Variants in INO80E observed in about 807,000 individuals in gnomAD.
The protein encoded by INO80E is INO80 complex subunit E.
INO80E carries 20 observed loss-of-function variants against 27.3 expected under a neutral mutation model. That is an observed-to-expected ratio of 0.73 (90% CI 0.51 to 1.06). The LOEUF (loss-of-function observed/expected upper bound fraction) is 1.06. Among genes scored for constraint, INO80E ranks in the 50% least tolerant of loss-of-function variants. The probability of loss-of-function intolerance (pLI) is 0.00; values close to 1 mark genes in which losing one functional copy is unlikely to be tolerated. For synonymous variants in INO80E, 167 were observed against 145.9 expected, an observed-to-expected ratio of 1.14 and a Z score of -1.04; for missense variants, 357 against 322.8, an observed-to-expected ratio of 1.11 and a Z score of -0.81.
rs776037527 is a variant in INO80E, at chr16:30,005,454, C to T, written c.*12C>T. 17 of 1,587,894 alleles carry T rather than the reference C, an allele frequency of 1.1e-5. No homozygotes were observed. Among genetic ancestry groups the T allele is most frequent in the African/African-American group, 4.1e-5 (3 of 74,024 alleles). The stretch of plus-strand genomic sequence containing the variant: ...ACATCCCGGAGTGACCGTGACATCA[C>T]GCCATGCCCACCACGGCCCCGCCCG... On this transcript the variant is annotated 3_prime_UTR_variant, in exon 7 of 7. Transcript: ENST00000563197.
chr16:29,999,437 G>A (rs1017088577), intron 3 of INO80E: 4 of 152,252 alleles, frequency 2.6e-5, no homozygotes, highest in Non-Finnish European at 5.9e-5. Context: ...ACTCGCAAAC[G>A]ACGCTTTTCA....
At chr16:30,001,133 T>C (rs1181009036) in intron 5 of INO80E, 93 bp downstream of exon 5, 11 of 1,475,634 alleles carry the variant, frequency 7.5e-6, no homozygotes, top group African/African-American at 1.4e-5. Context: ...CAGCCCAACT[T>C]TGGGGACATC....
chr16:29,996,814 C>T lies in INO80E; in HGVS notation c.159C>T (p.Leu53=). ...LLKVSRDKSF[L]LDRLLQYENV... ...TCTCCTTCCCTCCCCTCAGTTTCCT[C>T]CTAGACCGACTTCTGCAGTACGAGA... Residue 53 remains leucine, a synonymous_variant, in exon 3 of 7, where the codon CTC becomes CTT. Transcript: ENST00000563197. The T allele has an allele frequency of 1.9e-6, 3 of 1,614,170 alleles. No individual in the cohort carries two copies. The highest frequency in any genetic ancestry group is 1.7e-6 in the Non-Finnish European group (2 of 1,180,006).
intron 3 of INO80E, among the ~76,000 whole-genome samples, chr16:29,999,032 A>G (rs112997245): frequency 0.14 from 20,574 of 151,378 alleles, 2,494 homozygotes; most frequent in African/African-American, 0.32. Flanking sequence ...GCAACAGAGC[A>G]AGACTCCGTC....
intron 3 of INO80E, among the ~76,000 whole-genome samples, chr16:29,997,242 TC>T (rs1434112057): frequency 6.6e-6 from 1 of 152,194 alleles, no homozygotes; most frequent in African/African-American, 2.4e-5. Context: ...ATGAATTGTT[TC>T]TGCAAAGGGC....
intron 5 of INO80E, 90 bp downstream of exon 5, chr16:30,001,130 A>C: frequency 6.8e-7 from 1 of 1,477,774 alleles, no homozygotes; most frequent in South Asian, 1.4e-5. Context: ...GGCCAGCCCA[A>C]CTTTGGGGAC....
intron 3 of INO80E, 73 bp from the exon 4 acceptor site, chr16:30,000,685 G>A: frequency 8.0e-7 from 1 of 1,255,534 alleles, no homozygotes; most frequent in Non-Finnish European, 1.2e-6. Context: ...CTTCTGTAGT[G>A]TAGAGGAGGT....
Position 30,005,630 on chromosome 16 carries a change from AC to A in INO80E, c.*192del. ...AGGGTGGCAGGGGCCCTGCCTTCAAACCCCGGCCCCCTCCAGGGGACAGTTA... is the reference window on the plus strand; with the variant it reads ...AGGGTGGCAGGGGCCCTGCCTTCAAACCCGGCCCCCTCCAGGGGACAGTTA... On this transcript the variant is annotated 3_prime_UTR_variant, in exon 7 of 7. Transcript: ENST00000563197. The A allele has an allele frequency of 4.9e-6, 3 of 606,860 alleles. No individual in the cohort carries two copies. Among genetic ancestry groups the A allele is most frequent in the South Asian group, 2.0e-5 (1 of 49,808 alleles). 37.6% of individuals were successfully genotyped at this position (606,860 alleles called of 1,614,324 possible).
At position 29,999,580 on chromosome 16, in the gene INO80E, C is replaced by T. The variant is rs1380062881; in HGVS notation, c.206-1178C>T. ...CTGCTTCTTAAAGGGTCTGTCTGAG[C>T]AGAGACATTGGTAACGGCTTCTATA... On this transcript the variant is annotated intron_variant, in intron 3 of 6. Coordinates refer to ENST00000563197, the MANE Select transcript of INO80E (RefSeq NM_173618.3). 5 of 152,222 alleles carry T rather than the reference C, an allele frequency of 3.3e-5. No homozygotes were observed. In the East Asian group the frequency reaches 7.7e-4, roughly 23 times the overall value. 9.4% of individuals were successfully genotyped at this position (152,222 alleles called of 1,614,324 possible). A position where few individuals can be genotyped will look rare whatever the true frequency, so the allele number is the denominator to read the frequency against.
Position 30,005,446 on chromosome 16 carries a change from T to TGACA in INO80E, c.*5_*8dup. The TGACA allele has an allele frequency of 3.1e-6, 5 of 1,592,588 alleles. No individual in the cohort carries two copies. The highest frequency in any genetic ancestry group is 4.3e-6 in the Non-Finnish European group (5 of 1,170,334). On this transcript the variant is annotated 3_prime_UTR_variant, in exon 7 of 7. Transcript: ENST00000563197. ...GGTGATCGACATCCCGGAGTGACCG[T>TGACA]GACATCACGCCATGCCCACCACGGC...
At position 30,005,581 on chromosome 16, in the gene INO80E, A is replaced by T; in HGVS notation, c.*139A>T. The stretch of plus-strand genomic sequence containing the variant: ...CCACTGACACAACCAGAAAAGGCGT[A>T]AACATGCACGGGTGTCCCCCAGGAG... On this transcript the variant is annotated 3_prime_UTR_variant, in exon 7 of 7. Coordinates refer to ENST00000563197, the MANE Select transcript of INO80E (RefSeq NM_173618.3). 1 of 837,070 alleles carries T rather than the reference A, an allele frequency of 1.2e-6. No homozygotes were observed. Among genetic ancestry groups the T allele is most frequent in the South Asian group, 1.6e-5 (1 of 63,384 alleles). The allele number at this position is 837,070 out of a possible 1,614,324, so 51.9% of individuals were successfully genotyped here.
In INO80E at chr16:29,996,591, A is replaced by G; in HGVS notation, c.126A>G (p.Lys42=). 6.3e-7 allele frequency: 1 copy of G among 1,578,574 alleles called. No homozygotes were observed. Among genetic ancestry groups the G allele is most frequent in the Non-Finnish European group, 8.6e-7 (1 of 1,162,198 alleles). The change falls in exon 2 of 7, where the codon AAA becomes AAG. Residue 42 remains lysine, a synonymous_variant. Transcript: ENST00000563197. ...FQEELRKAQR[K]LLKVSRDKSF... is the part of the protein sequence containing the mutation. ...AGGAGCTGAGGAAAGCGCAAAGGAA[A>G]TTACTGAAGGTGTCCCGGGACAAGA...
intron 6 of INO80E, 132 bp downstream of exon 6, chr16:30,001,662 A>C: frequency 1.2e-6 from 1 of 802,050 alleles, no homozygotes; most frequent in South Asian, 1.8e-5. Flanking sequence ...CTTAGCACTG[A>C]GGGGTGGATC....
At chr16:29,997,145 A>G (rs12934084) in intron 3 of INO80E, among the ~76,000 whole-genome samples, 1 of 152,270 alleles carries the variant, frequency 6.6e-6, no homozygotes, top group Non-Finnish European at 1.5e-5. Flanking sequence ...GTAAATGAAG[A>G]CAATAGACTA....
intron 3 of INO80E, among the ~76,000 whole-genome samples, chr16:29,997,859 G>T (rs933774120): frequency 6.6e-5 from 10 of 151,790 alleles, no homozygotes; most frequent in African/African-American, 2.4e-4. Flanking sequence ...AGTGACATTT[G>T]AGTTGGGACC....
chr16:30,005,029 C>T (rs2070506945), intron 6 of INO80E, among the ~76,000 whole-genome samples, 192 bp from the exon 7 acceptor site: 2 of 152,142 alleles, frequency 1.3e-5, no homozygotes, highest in Non-Finnish European at 2.9e-5. Flanking sequence ...TCTATCACCA[C>T]CCCCAGGCAC....
intron 3 of INO80E, 81 bp downstream of exon 3, chr16:29,996,941 G>A: frequency 7.9e-6 from 11 of 1,391,822 alleles, no homozygotes; most frequent in East Asian, 2.3e-5. Context: ...CTTTTAGGCA[G>A]TGGTGGCTGA....
intron 3 of INO80E, among the ~76,000 whole-genome samples, chr16:29,998,230 G>T (rs1279699298): frequency 2.6e-5 from 4 of 151,316 alleles, no homozygotes; most frequent in Non-Finnish European, 5.9e-5. Flanking sequence ...GGTGGAGCTT[G>T]CAGTGAGCTG....
chr16:30,005,324 C>CCCAA lies in INO80E; in HGVS notation c.617_618insCCAA (p.Lys207GlnfsTer2). ...ACAACCCTGACCCCCCTCCCACCCC[C>CCCAA]TAAGATGCCCCCCCCCACGATCCTG... On this transcript the variant is annotated frameshift_variant, in exon 7 of 7. Transcript: ENST00000563197. LOFTEE classifies it high-confidence loss of function. 6 of 1,281,854 alleles carry CCCAA rather than the reference C, an allele frequency of 4.7e-6. No individual in the cohort carries two copies. The highest frequency in any genetic ancestry group is 1.8e-5 in the South Asian group (1 of 55,164). The allele number at this position is 1,281,854 out of a possible 1,614,324, so 79.4% of individuals were successfully genotyped here. A position where few individuals can be genotyped will look rare whatever the true frequency, so the allele number is the denominator to read the frequency against.
Sources: allele counts gnomAD v4.1 joint callset (sites outside exome capture counted in the v4.1 genomes callset), GRCh38; gene constraint gnomAD v4.1.1; transcripts MANE v1.5; gene names NCBI Gene and HGNC (gene_info 2026-07-23, HGNC 2026-07-21).